ZRANB2: variants seen among roughly 807,000 people sequenced by gnomAD.
The protein encoded by ZRANB2 is zinc finger Ran-binding domain-containing protein 2.
ZRANB2 carries 19 observed loss-of-function variants against 53.4 expected under a neutral mutation model. The ratio of observed to expected loss-of-function variants is 0.36; its 90% CI spans 0.25 to 0.52. The LOEUF (loss-of-function observed/expected upper bound fraction) is 0.52. Among genes scored for constraint, ZRANB2 ranks in the 20% least tolerant of loss-of-function variants. ZRANB2 has a pLI of 0.93. For synonymous variants in ZRANB2, 145 were observed against 134.8 expected (o/e 1.08, Z -0.52); for missense variants, 309 against 401.1 (o/e 0.77, Z 1.96).
In ZRANB2 at chr1:71,081,025, G is replaced by A. The variant is rs370897981; in HGVS notation, c.-30C>T. On this transcript the variant is annotated 5_prime_UTR_variant, in exon 1 of 10. Coordinates refer to ENST00000370920, the MANE Select transcript of ZRANB2 (RefSeq NM_203350.3). Reference sequence around the variant, plus strand: ...AACGCCACCAGCACAGCCACCCGCAGCTATGTCTTCACAGGAGGAAAACGG... The same window carrying A: ...AACGCCACCAGCACAGCCACCCGCAACTATGTCTTCACAGGAGGAAAACGG... 10 of 1,613,960 alleles carry A rather than the reference G, an allele frequency of 6.2e-6. No individual in the cohort carries two copies. Among genetic ancestry groups the A allele is most frequent in the African/African-American group, 2.7e-5 (2 of 74,898 alleles).
At position 71,078,561 on chromosome 1, in the gene ZRANB2, T is replaced by C. The variant is rs367641087; in HGVS notation, c.114A>G (p.Lys38=). 97 of 1,613,936 alleles carry C rather than the reference T, an allele frequency of 6.0e-5. 1 individual carries two copies. Among genetic ancestry groups the C allele is most frequent in the Non-Finnish European group, 7.2e-5 (85 of 1,179,920 alleles). ...RTSCNRCGRE[K]TTEAKMMKAG... ...CTTTCATCATCTTGGCCTCAGTTGT[T>C]TTCTCTGAAAACAGAAAAATCATGC... Residue 38 remains lysine (K), a synonymous_variant, in exon 3 of 10, where the codon AAA becomes AAG. Coordinates refer to ENST00000370920, the MANE Select transcript of ZRANB2 (RefSeq NM_203350.3).
At chr1:71,073,522 A>T (rs1278724677) in intron 4 of ZRANB2, among the ~76,000 whole-genome samples, 1 of 151,938 alleles carries the variant, frequency 6.6e-6, no homozygotes, top group Non-Finnish European at 1.5e-5. Context: ...ATTTAAAAAA[A>T]TATTTTTAAA....
chr1:71,069,810 T>C (rs1661556484), intron 7 of ZRANB2, among the ~76,000 whole-genome samples: 2 of 152,180 alleles, frequency 1.3e-5, no homozygotes, highest in South Asian at 4.1e-4. Flanking sequence ...TTCATCCCTA[T>C]ATTTTTCTGT....
intron 4 of ZRANB2, among the ~76,000 whole-genome samples, 178 bp downstream of exon 4, chr1:71,076,617 G>A (rs888728314): frequency 2.6e-5 from 4 of 152,104 alleles, no homozygotes; most frequent in African/African-American, 9.7e-5. Flanking sequence ...TTTATAAATT[G>A]TGAAACAAAA....
At chr1:71,069,980 A>T (rs1661560482) in intron 7 of ZRANB2, among the ~76,000 whole-genome samples, 1 of 152,172 alleles carries the variant, frequency 6.6e-6, no homozygotes, top group African/African-American at 2.4e-5. Flanking sequence ...TGTCCCTTAT[A>T]ATAATACCCT....
chr1:71,079,407 G>A (rs1573063199), intron 1 of ZRANB2, among the ~76,000 whole-genome samples: 1 of 152,212 alleles, frequency 6.6e-6, no homozygotes, highest in Admixed American at 6.5e-5. Context: ...AGAAGTGTAC[G>A]TGTATATTGG....
In ZRANB2 at chr1:71,066,986, AAGATTATTT is replaced by A. The variant is rs1661458229; in HGVS notation, c.771-61_771-53del. ...CATTTCATTAAAAGAAGAAATAAGG[AAGATTATTT>A]AGTTATCAGATAGCTCCAAAAATAA... On this transcript the variant is annotated intron_variant, in intron 8 of 9. Coordinates refer to ENST00000370920, the MANE Select transcript of ZRANB2 (RefSeq NM_203350.3). The A allele has an allele frequency of 2.0e-6, 3 of 1,501,130 alleles. No individual in the cohort carries two copies. In the East Asian group the frequency reaches 7.1e-5, roughly 36 times the overall value. 93.0% of individuals were successfully genotyped at this position (1,501,130 alleles called of 1,614,324 possible).
Position 71,065,109 on chromosome 1 carries a change from G to T in ZRANB2, c.958C>A (p.His320Asn), listed in dbSNP as rs201924525. Residue 320 changes from histidine to asparagine, a missense_variant, in exon 10 of 10, where the codon CAT becomes AAT. Physicochemically the swap from His to Asn is moderately conservative, Grantham distance 68 (BLOSUM62 1). Coordinates refer to ENST00000370920, the MANE Select transcript of ZRANB2 (RefSeq NM_203350.3). Reference sequence around the variant, plus strand: ...TTTGAACTTGAACGGGAACCAGAATGGGATGATCCAGATGATGACCTGTGG... The same window carrying T: ...TTTGAACTTGAACGGGAACCAGAATTGGATGATCCAGATGATGACCTGTGG... ...RRHRSSSGSS[H>N]SGSRSSSKKK is the part of the protein sequence containing the mutation. 1.9e-5 allele frequency: 31 copies of T among 1,611,614 alleles called. 1 individual carries two copies. The Admixed American group carries it at 5.2e-4, about 27-fold the overall frequency.
At position 71,063,309 on chromosome 1, in the gene ZRANB2, T is replaced by C. The variant is rs2101036639; in HGVS notation, c.*1765A>G. On this transcript the variant is annotated 3_prime_UTR_variant, in exon 10 of 10. Coordinates refer to ENST00000370920, the MANE Select transcript of ZRANB2 (RefSeq NM_203350.3). ...CATTAGATCAGAGTTTAAAAATCTC[T>C]AGTTTATTTCTAACAAACACCACTT... 6.6e-6 allele frequency: 1 copy of C among 152,468 alleles called. No homozygotes were observed. The highest frequency in any genetic ancestry group is 3.4e-3 in the Middle Eastern group (1 of 294). The allele number at this position is 152,468 out of a possible 1,614,324, so 9.4% of individuals were successfully genotyped here. A position where few individuals can be genotyped will look rare whatever the true frequency, so the allele number is the denominator to read the frequency against.
chr1:71,069,125 G>C (rs2101043953), intron 8 of ZRANB2, 151 bp downstream of exon 8: 1 of 563,132 alleles, frequency 1.8e-6, no homozygotes, highest in Middle Eastern at 2.9e-4. Flanking sequence ...TTCATGGTGA[G>C]AAAATTAAGC....
intron 1 of ZRANB2, 67 bp downstream of exon 1, chr1:71,080,873 C>T: frequency 1.3e-6 from 2 of 1,572,452 alleles, no homozygotes; most frequent in Non-Finnish European, 1.8e-6. Context: ...AAGGAAAATG[C>T]CGGACGGACC....
chr1:71,077,204 A>G (rs188308353), intron 3 of ZRANB2, among the ~76,000 whole-genome samples: 262 of 152,272 alleles, frequency 1.7e-3, no homozygotes, highest in African/African-American at 5.7e-3. Flanking sequence ...TCCAAAATCT[A>G]AAACTTTTTG....
chr1:71,078,886 C>A (rs1260754949), intron 1 of ZRANB2, among the ~76,000 whole-genome samples, 178 bp from the exon 2 acceptor site: 1 of 152,094 alleles, frequency 6.6e-6, no homozygotes, highest in Non-Finnish European at 1.5e-5. Flanking sequence ...TTGATTGGAG[C>A]CACAAATTCA....
chr1:71,077,260 G>C (rs1202618739), intron 3 of ZRANB2, among the ~76,000 whole-genome samples: 1 of 152,132 alleles, frequency 6.6e-6, no homozygotes, highest in Non-Finnish European at 1.5e-5. Context: ...GAGCATTTCA[G>C]ATTTTCAGAT....
chr1:71,065,102 C>T lies in ZRANB2; in HGVS notation c.965G>A (p.Gly322Asp), dbSNP rs778042706. Residue 322 changes from glycine (G) to aspartate (D), a missense_variant, in exon 10 of 10, where the codon GGT becomes GAT. Coordinates refer to ENST00000370920, the MANE Select transcript of ZRANB2 (RefSeq NM_203350.3). ...HRSSSGSSHS[G>D]SRSSSKKK is the part of the protein sequence containing the mutation. The stretch of plus-strand genomic sequence containing the variant: ...TTTCTTTTTTGAACTTGAACGGGAA[C>T]CAGAATGGGATGATCCAGATGATGA... 6.2e-7 allele frequency: 1 copy of T among 1,611,298 alleles called. No individual in the cohort carries two copies. Among genetic ancestry groups the T allele is most frequent in the Non-Finnish European group, 8.5e-7 (1 of 1,178,382 alleles).
chr1:71,077,880 A>G (rs1661743620), intron 3 of ZRANB2, among the ~76,000 whole-genome samples: 1 of 152,142 alleles, frequency 6.6e-6, no homozygotes, highest in Non-Finnish European at 1.5e-5. Context: ...CAAACAAACA[A>G]AAAGAGAAAT....
chr1:71,071,048 A>G, intron 6 of ZRANB2, 52 bp from the exon 7 acceptor site: 2 of 1,448,920 alleles, frequency 1.4e-6, no homozygotes, highest in Non-Finnish European at 1.8e-6. Flanking sequence ...GTTACCTACC[A>G]GGAAAGATAA....
chr1:71,078,358 T>C lies in ZRANB2; in HGVS notation c.218+99A>G, dbSNP rs1183699007. 5.1e-6 allele frequency: 5 copies of C among 980,834 alleles called. No homozygotes were observed. In the Admixed American group the frequency reaches 1.1e-4, roughly 22 times the overall value. 60.8% of individuals were successfully genotyped at this position (980,834 alleles called of 1,614,324 possible). On this transcript the variant is annotated intron_variant, in intron 3 of 9. Coordinates refer to ENST00000370920, the MANE Select transcript of ZRANB2 (RefSeq NM_203350.3). ...ATACCTTGGATTTAAAAGGTTACCC[T>C]GGCTTGTCAATGTCACTAATAAGAG...
chr1:71,077,512 CTTTTCCAATACAAATTTATAATCCTGA>C (rs1183564721), intron 3 of ZRANB2, among the ~76,000 whole-genome samples: 1 of 152,122 alleles, frequency 6.6e-6, no homozygotes, highest in Non-Finnish European at 1.5e-5. Context: ...TAGCTGGAAA[CTTTTCCAATACAAATTTATAATCCTGA>C]GGATCAGAAA....
Sources: allele counts gnomAD v4.1 joint callset (sites outside exome capture counted in the v4.1 genomes callset), GRCh38; gene constraint gnomAD v4.1.1; transcripts MANE v1.5; gene names NCBI Gene and HGNC (gene_info 2026-07-23, HGNC 2026-07-21).